STAT3: variants seen among roughly 807,000 people sequenced by gnomAD.
The protein encoded by STAT3 is signal transducer and activator of transcription 3, also known as DNA-binding protein APRF.
In STAT3, 7 loss-of-function variants were observed where a neutral mutation model predicts 114.3. That is an observed-to-expected ratio of 0.06 (90% CI 0.03 to 0.11). The LOEUF (loss-of-function observed/expected upper bound fraction) is 0.11. Ranked by LOEUF, STAT3 falls within the 10% of genes least tolerant of loss-of-function variation. The pLI is 1.00. For missense variants in STAT3, 364 were observed against 960.9 expected, an observed-to-expected ratio of 0.38 and a Z score of 8.21; for synonymous variants, 331 against 354.5, an observed-to-expected ratio of 0.93 and a Z score of 0.74.
rs368323829 is a variant in STAT3, at chr17:42,337,719, G to C, written c.645+44C>G. 10 of 1,613,478 alleles carry C rather than the reference G, an allele frequency of 6.2e-6. No homozygotes were observed. In the African/African-American group the frequency reaches 1.2e-4, roughly 19 times the overall value. On this transcript the variant is annotated intron_variant, in intron 7 of 23. Transcript: ENST00000264657. The surrounding 1 kb of genome is among the most constrained non-coding windows in gnomAD (Gnocchi z 4.0). ...GCCACAAGACGCTGAAATCCCGCAA[G>C]TGAGCGAGACACATGGGGGAAGTGG...
intron 4 of STAT3, among the ~76,000 whole-genome samples, chr17:42,344,273 T>G (rs1942285269): frequency 6.7e-6 from 1 of 148,158 alleles, no homozygotes; most frequent in Non-Finnish European, 1.5e-5. Flanking sequence ...ACACAAAAAA[T>G]TAGCTGGGTG....
rs8081156 is a variant in STAT3, at chr17:42,322,744, G to A, written c.1889-250C>T. 3.8e-3 allele frequency among the ~76,000 whole-genome samples: 581 copies of A among 152,320 alleles called. 7 individuals are homozygous for A. Among genetic ancestry groups the A allele is most frequent in the African/African-American group, 0.012 (507 of 41,574 alleles). On this transcript the variant is annotated intron_variant, in intron 20 of 23. Transcript: ENST00000264657. ...TACTTGCGTAAGATATATTAACAGG[G>A]TTAAGTAGAAAAAGAGATGAAGAAT...
chr17:42,372,465 A>G (rs1425289372), intron 1 of STAT3, among the ~76,000 whole-genome samples: 1 of 152,222 alleles, frequency 6.6e-6, no homozygotes, highest in Non-Finnish European at 1.5e-5. Flanking sequence ...AAAAGGCTAC[A>G]CACTGTATGT....
chr17:42,388,116 C>T, intron 1 of STAT3, 163 bp downstream of exon 1: 1 of 871,746 alleles, frequency 1.1e-6, no homozygotes, highest in South Asian at 6.0e-5. Context: ...CTCCTGTCAT[C>T]CCGAAGAGTC....
At chr17:42,373,355 A>G (rs2084266049) in intron 1 of STAT3, among the ~76,000 whole-genome samples, 2 of 151,734 alleles carry the variant, frequency 1.3e-5, no homozygotes, top group African/African-American at 4.8e-5. Context: ...CATCTCAAAA[A>G]AAAGAAAAGA....
chr17:42,351,256 A>T (rs997709555), intron 1 of STAT3, among the ~76,000 whole-genome samples: 3 of 151,850 alleles, frequency 2.0e-5, no homozygotes, highest in Admixed American at 2.0e-4. Flanking sequence ...TTATTTATTT[A>T]TTTATTTTTT....
rs371380513 is a variant in STAT3 at position 42,329,475 on chromosome 17, G to C, written c.1234-18C>G. The C allele has an allele frequency of 8.4e-5, 135 of 1,614,064 alleles. No homozygotes were observed. Among genetic ancestry groups the C allele is most frequent in the Non-Finnish European group, 1.1e-4 (127 of 1,180,046 alleles). On this transcript the variant is annotated intron_variant, in intron 13 of 23. Coordinates refer to ENST00000264657, the MANE Select transcript of STAT3 (RefSeq NM_139276.3). The stretch of plus-strand genomic sequence containing the variant: ...CTCAGGGTCTGTAAGAAAAGAAAAA[G>C]GCAGGTGTCCTGTGAGGCTCTCCCT...
chr17:42,347,840 G>A (rs2082767505), intron 2 of STAT3, among the ~76,000 whole-genome samples: 1 of 152,130 alleles, frequency 6.6e-6, no homozygotes, highest in Non-Finnish European at 1.5e-5. Context: ...CGCCATGATT[G>A]GAAGCTTGCT....
intron 1 of STAT3, among the ~76,000 whole-genome samples, chr17:42,358,386 T>C (rs2083334538): frequency 6.6e-6 from 1 of 152,130 alleles, no homozygotes; most frequent in Non-Finnish European, 1.5e-5. Context: ...CCAGCCTGGG[T>C]GACAGAGCTA....
chr17:42,355,608 C>G (rs1306579636), intron 1 of STAT3, among the ~76,000 whole-genome samples: 1 of 152,054 alleles, frequency 6.6e-6, no homozygotes, highest in African/African-American at 2.4e-5. Context: ...TTGGACTTTT[C>G]AAAACAGGAA....
chr17:42,347,184 C>CAAAA lies in STAT3; in HGVS notation c.129-475_129-472dup, dbSNP rs754388828. Among the ~76,000 whole-genome samples the CAAAA allele has an allele frequency of 3.0e-4, 23 of 75,496 alleles. 2 individuals are homozygous for CAAAA. The highest frequency in any genetic ancestry group is 1.3e-3 in the East Asian group (2 of 1,594). 49.5% of individuals were successfully genotyped at this position (75,496 alleles called of 152,430 possible). A position where few individuals can be genotyped will look rare whatever the true frequency, so the allele number is the denominator to read the frequency against. On this transcript the variant is annotated intron_variant, in intron 2 of 23. Coordinates refer to ENST00000264657, the MANE Select transcript of STAT3 (RefSeq NM_139276.3). ...CCTGGGCTACAGCCAGACTCCATCT[C>CAAAA]AAAAAAAAAAAAAAAAAAACCACAA...
At chr17:42,350,005 G>C (rs1346309511) in intron 1 of STAT3, among the ~76,000 whole-genome samples, 1 of 151,708 alleles carries the variant, frequency 6.6e-6, no homozygotes, top group South Asian at 2.1e-4. Flanking sequence ...GAGGTGAGCT[G>C]AGATCGTGCC....
chr17:42,321,875 G>T (rs1176563238), intron 21 of STAT3, among the ~76,000 whole-genome samples: 1 of 152,172 alleles, frequency 6.6e-6, no homozygotes, highest in Non-Finnish European at 1.5e-5. Context: ...CCAGGCTGGA[G>T]TGCGGTGGCA....
chr17:42,332,336 G>A (rs1170199239), intron 10 of STAT3, among the ~76,000 whole-genome samples: 2 of 149,566 alleles, frequency 1.3e-5, no homozygotes, highest in African/African-American at 4.9e-5. Context: ...TCAGGAGTTC[G>A]AGACCAGCCT....
At chr17:42,351,559 T>C (rs1434083483) in intron 1 of STAT3, among the ~76,000 whole-genome samples, 1 of 151,776 alleles carries the variant, frequency 6.6e-6, no homozygotes, top group African/African-American at 2.4e-5. Flanking sequence ...CTTTACACTC[T>C]TTTTTTTGCT....
intron 8 of STAT3, among the ~76,000 whole-genome samples, chr17:42,334,348 T>C (rs1473859218): frequency 2.0e-5 from 3 of 152,062 alleles, no homozygotes; most frequent in African/African-American, 7.2e-5. Context: ...TGGTGCAATC[T>C]CGGCTCACTG....
chr17:42,343,455 CTTTTTTTTTT>C (rs34846688), intron 4 of STAT3, among the ~76,000 whole-genome samples: 3 of 99,172 alleles, frequency 3.0e-5, no homozygotes. Context: ...TCAGATCTTT[CTTTTTTTTTT>C]TTTTTTTTTT....
chr17:42,339,153 G>C (rs2082338244), intron 5 of STAT3, among the ~76,000 whole-genome samples, 161 bp downstream of exon 5: 1 of 151,610 alleles, frequency 6.6e-6, no homozygotes, highest in Non-Finnish European at 1.5e-5. Flanking sequence ...CTACTTGGGA[G>C]GATGAGGTAG....
At chr17:42,345,435 T>A (rs906008018) in intron 4 of STAT3, 124 bp downstream of exon 4, 1 of 809,322 alleles carries the variant, frequency 1.2e-6, no homozygotes, top group African/African-American at 1.7e-5. Flanking sequence ...TGTATTTTTA[T>A]GATTATTGAT....
Sources: allele counts gnomAD v4.1 joint callset (sites outside exome capture counted in the v4.1 genomes callset), GRCh38; gene constraint gnomAD v4.1.1; non-coding constraint Gnocchi (gnomAD v3.1); transcripts MANE v1.5; gene names NCBI Gene and HGNC (gene_info 2026-07-23, HGNC 2026-07-21).